OSBPL6: variants seen among roughly 807,000 people sequenced by gnomAD.
OSBPL6 encodes the protein oxysterol binding protein like 6.
Under a neutral mutation model 125.8 loss-of-function variants are expected in OSBPL6, and 49 were observed. The observed-to-expected ratio is 0.39, with a 90% CI of 0.31 to 0.49. The LOEUF (loss-of-function observed/expected upper bound fraction) is 0.49, where lower values mean the gene tolerates loss of function less well. Among genes scored for constraint, OSBPL6 ranks in the 20% least tolerant of loss-of-function variants. The probability of loss-of-function intolerance (pLI) is 0.88; values close to 1 mark genes in which losing one functional copy is unlikely to be tolerated. For missense variants in OSBPL6, 986 were observed against 1,135.4 expected, an observed-to-expected ratio of 0.87 and a Z score of 1.89; for synonymous variants, 394 against 391.8, an observed-to-expected ratio of 1.01 and a Z score of -0.07.
chr2:178,377,380 C>G (rs1693977844), intron 15 of OSBPL6, among the ~76,000 whole-genome samples: 2 of 152,212 alleles, frequency 1.3e-5, no homozygotes, highest in South Asian at 4.1e-4. Context: ...TGGTGCTAAA[C>G]CATTCCAGAG....
intron 1 of OSBPL6, among the ~76,000 whole-genome samples, chr2:178,238,736 C>T (rs190105515): frequency 8.5e-5 from 13 of 152,228 alleles, no homozygotes; most frequent in Admixed American, 6.5e-4. Context: ...AACAATGTTC[C>T]TACTGATGGT....
intron 13 of OSBPL6, 116 bp downstream of exon 13, chr2:178,361,931 G>T (rs982921119): frequency 7.9e-7 from 1 of 1,261,422 alleles, no homozygotes; most frequent in Admixed American, 2.9e-5. Flanking sequence ...AGTACAGTTT[G>T]CAGAATTTCC....
At chr2:178,219,006 C>G (rs954070853) in intron 1 of OSBPL6, among the ~76,000 whole-genome samples, 1 of 152,026 alleles carries the variant, frequency 6.6e-6, no homozygotes, top group Non-Finnish European at 1.5e-5. Flanking sequence ...TCTCTCCACT[C>G]CTGACTCTTC....
intron 3 of OSBPL6, among the ~76,000 whole-genome samples, chr2:178,313,920 A>G (rs28667485): frequency 0.11 from 16,069 of 152,264 alleles, 1,041 homozygotes; most frequent in African/African-American, 0.18. Flanking sequence ...GAAACTCATT[A>G]TAAGTAAAGA....
intron 1 of OSBPL6, among the ~76,000 whole-genome samples, chr2:178,228,566 T>TA: frequency 6.6e-6 from 1 of 152,246 alleles, no homozygotes; most frequent in East Asian, 1.9e-4. Context: ...AAGCCACATA[T>TA]ATCATAATAT....
At chr2:178,226,843 A>G (rs990246500) in intron 1 of OSBPL6, among the ~76,000 whole-genome samples, 3 of 152,214 alleles carry the variant, frequency 2.0e-5, no homozygotes, top group Non-Finnish European at 4.4e-5. Flanking sequence ...CTTAAGGCAC[A>G]AAAAGCATTT....
chr2:178,328,235 GT>G lies in OSBPL6; in HGVS notation c.196-16del, dbSNP rs778265434. 1.2e-6 allele frequency: 2 copies of G among 1,612,050 alleles called. No homozygotes were observed. Among genetic ancestry groups the G allele is most frequent in the South Asian group, 2.2e-5 (2 of 90,750 alleles). On this transcript the variant is annotated intron_variant, in intron 4 of 24. Coordinates refer to ENST00000190611, the MANE Select transcript of OSBPL6 (RefSeq NM_032523.4). ...TCAGGCACTGAGTAACATGTGATTT[GT>G]TTTTCTTCTTTTCTCTCAGGAAGCT...
intron 1 of OSBPL6, among the ~76,000 whole-genome samples, chr2:178,209,684 A>G (rs1394168406): frequency 6.6e-6 from 1 of 151,440 alleles, no homozygotes; most frequent in Non-Finnish European, 1.5e-5. Flanking sequence ...CTGATTTGAG[A>G]GCTTCAAGCA....
At chr2:178,227,302 T>C (rs929675678) in intron 1 of OSBPL6, among the ~76,000 whole-genome samples, 2 of 152,234 alleles carry the variant, frequency 1.3e-5, no homozygotes, top group African/African-American at 2.4e-5. Flanking sequence ...AAAAGTCTGT[T>C]AATATCTAGA....
At chr2:178,220,052 A>T (rs1384491417) in intron 1 of OSBPL6, among the ~76,000 whole-genome samples, 1 of 152,212 alleles carries the variant, frequency 6.6e-6, no homozygotes, top group African/African-American at 2.4e-5. Flanking sequence ...GTCATGCTGT[A>T]GGTCTAAAAG....
chr2:178,392,662 C>A, intron 23 of OSBPL6, 124 bp downstream of exon 23: 4 of 1,267,204 alleles, frequency 3.2e-6, no homozygotes, highest in South Asian at 1.5e-5. Context: ...TCAAGACCAG[C>A]CTGGACAATA....
upstream of OSBPL6, among the ~76,000 whole-genome samples, chr2:178,193,887 G>A (rs1200800480): frequency 6.6e-6 from 1 of 152,212 alleles, no homozygotes; most frequent in Non-Finnish European, 1.5e-5. Flanking sequence ...TCTGGGCCCG[G>A]GAAGTTTTTG....
chr2:178,266,814 A>T (rs13383307), intron 1 of OSBPL6, among the ~76,000 whole-genome samples: 1 of 152,202 alleles, frequency 6.6e-6, no homozygotes, highest in Non-Finnish European at 1.5e-5. Flanking sequence ...TGTTAACCAC[A>T]TTCCATTGTG....
At chr2:178,358,849 A>G (rs1291626085) in intron 12 of OSBPL6, among the ~76,000 whole-genome samples, 1 of 152,162 alleles carries the variant, frequency 6.6e-6, no homozygotes, top group Non-Finnish European at 1.5e-5. Flanking sequence ...AACCTACAGA[A>G]TGGGAAAAAA....
At chr2:178,229,354 A>G (rs556092123) in intron 1 of OSBPL6, among the ~76,000 whole-genome samples, 1 of 152,298 alleles carries the variant, frequency 6.6e-6, no homozygotes, top group African/African-American at 2.4e-5. Context: ...AAATGAAATA[A>G]TATAAAAAAT....
At chr2:178,335,993 A>G (rs1689648747) in intron 8 of OSBPL6, among the ~76,000 whole-genome samples, 1 of 152,238 alleles carries the variant, frequency 6.6e-6, no homozygotes, top group Non-Finnish European at 1.5e-5. Context: ...GGACACTGCA[A>G]ATACAATTTA....
intron 3 of OSBPL6, among the ~76,000 whole-genome samples, chr2:178,306,792 A>G (rs944923758): frequency 6.6e-6 from 1 of 152,238 alleles, no homozygotes; most frequent in Non-Finnish European, 1.5e-5. Flanking sequence ...TTTACAGGCA[A>G]CAGAGAAAGT....
Position 178,332,942 on chromosome 2 carries a change from A to C in OSBPL6, c.558A>C (p.Glu186Asp), listed in dbSNP as rs1457535677. Residue 186 changes from glutamate (E) to aspartate (D), a missense_variant, in exon 8 of 25, where the codon GAA (glutamate) becomes GAC (aspartate). Glu to Asp is a conservative substitution (Grantham distance 45, BLOSUM62 2). Transcript: ENST00000190611. ...LRHHRLYRQN[E>D]IVRSPRDASF... ...ATCATCGGTTGTATCGTCAGAATGA[A>C]ATTGTGAGATCACCAAGAGATGCTA... 6.2e-7 allele frequency: 1 copy of C among 1,614,184 alleles called. No individual in the cohort carries two copies. Among genetic ancestry groups the C allele is most frequent in the Admixed American group, 1.7e-5 (1 of 60,022 alleles).
chr2:178,248,223 A>G (rs759928501), intron 1 of OSBPL6, among the ~76,000 whole-genome samples: 2 of 152,252 alleles, frequency 1.3e-5, no homozygotes, highest in African/African-American at 2.4e-5. Flanking sequence ...GTCCCATCTT[A>G]TGAAGTTTAC....
Sources: allele counts gnomAD v4.1 joint callset (sites outside exome capture counted in the v4.1 genomes callset), GRCh38; gene constraint gnomAD v4.1.1; transcripts MANE v1.5; gene names NCBI Gene and HGNC (gene_info 2026-07-23, HGNC 2026-07-21).